BMP7: variants seen among roughly 807,000 people sequenced by gnomAD.
The protein encoded by BMP7 is bone morphogenetic protein 7, also known as osteogenic protein 1.
In BMP7, 12 loss-of-function variants were observed where a neutral mutation model predicts 41.2. The ratio of observed to expected loss-of-function variants is 0.29; its 90% CI spans 0.19 to 0.47. The LOEUF (loss-of-function observed/expected upper bound fraction) is 0.47. Ranked by LOEUF, BMP7 falls within the 20% of genes least tolerant of loss-of-function variation. The probability of loss-of-function intolerance (pLI) is 0.99; values close to 1 mark genes in which losing one functional copy is unlikely to be tolerated. For missense variants in BMP7, 467 were observed against 606.0 expected, an observed-to-expected ratio of 0.77 and a Z score of 2.41; for synonymous variants, 248 against 250.0, an observed-to-expected ratio of 0.99 and a Z score of 0.07.
intron 1 of BMP7, among the ~76,000 whole-genome samples, chr20:57,237,436 A>AC (rs1251109180): frequency 1.9e-4 from 29 of 152,336 alleles, no homozygotes; most frequent in Non-Finnish European, 2.9e-5. Context: ...ACTGGAGCTG[A>AC]CTTATCCCGG....
chr20:57,203,903 T>C (rs1984676932), intron 2 of BMP7, among the ~76,000 whole-genome samples: 1 of 152,222 alleles, frequency 6.6e-6, no homozygotes, highest in South Asian at 2.1e-4. Context: ...TATGGAGCAC[T>C]TACCATATGC....
chr20:57,181,373 A>G (rs573896786), intron 4 of BMP7, among the ~76,000 whole-genome samples: 1 of 152,056 alleles, frequency 6.6e-6, no homozygotes, highest in South Asian at 2.1e-4. Flanking sequence ...GCATCCATCT[A>G]TAGTCCCAGC....
chr20:57,229,337 G>A (rs112836603), intron 1 of BMP7, among the ~76,000 whole-genome samples: 1 of 152,222 alleles, frequency 6.6e-6, no homozygotes, highest in African/African-American at 2.4e-5. Context: ...GGAGTGAATG[G>A]CAGAGTTGGG....
In BMP7 at chr20:57,259,291, G is replaced by A. The variant is rs2066145219; in HGVS notation, c.418+6414C>T. Reference sequence around the variant, plus strand: ...CAGGCAGCCCCAAGCATCAGCGAGGGCTGGAAGCCTTCACTGTGAAGCCCT... The same window carrying A: ...CAGGCAGCCCCAAGCATCAGCGAGGACTGGAAGCCTTCACTGTGAAGCCCT... On this transcript the variant is annotated intron_variant, in intron 1 of 6. Coordinates refer to ENST00000395863, the MANE Select transcript of BMP7 (RefSeq NM_001719.3). This position sits in a 1 kb window ranked among gnomAD's most constrained non-coding sequence, Gnocchi z 4.7. 6.6e-6 allele frequency among the ~76,000 whole-genome samples: 1 copy of A among 152,186 alleles called. No individual in the cohort carries two copies. Among genetic ancestry groups the A allele is most frequent in the Non-Finnish European group, 1.5e-5 (1 of 68,046 alleles).
At chr20:57,190,746 CCCT>C (rs1488600595) in intron 3 of BMP7, among the ~76,000 whole-genome samples, 2 of 152,156 alleles carry the variant, frequency 1.3e-5, no homozygotes, top group African/African-American at 2.4e-5. Flanking sequence ...ACACATACTA[CCCT>C]CCTCCTCCAA....
At chr20:57,202,325 C>T in intron 3 of BMP7, 150 bp downstream of exon 3, 1 of 1,102,788 alleles carries the variant, frequency 9.1e-7, no homozygotes, top group Non-Finnish European at 1.3e-6. Flanking sequence ...GGGGCTGCTT[C>T]TGGTTTGGAT....
chr20:57,247,074 G>T (rs1229313845), intron 1 of BMP7, among the ~76,000 whole-genome samples: 2 of 152,134 alleles, frequency 1.3e-5, no homozygotes, highest in Non-Finnish European at 2.9e-5. Context: ...TATTACAATG[G>T]CTAACATAGC....
intron 1 of BMP7, among the ~76,000 whole-genome samples, chr20:57,234,601 G>A (rs13038779): frequency 0.24 from 36,323 of 152,192 alleles, 5,274 homozygotes; most frequent in South Asian, 0.37. Flanking sequence ...ACACACACAA[G>A]CCCAATTGTA....
intron 2 of BMP7, among the ~76,000 whole-genome samples, chr20:57,219,537 G>C (rs1985136839): frequency 6.6e-6 from 1 of 152,154 alleles, no homozygotes; most frequent in Admixed American, 6.5e-5. Context: ...GTGGGCAGAA[G>C]CCAGGGCTGC....
At chr20:57,180,608 GTTCGACA>G (rs1250601468) in intron 4 of BMP7, among the ~76,000 whole-genome samples, 1 of 152,192 alleles carries the variant, frequency 6.6e-6, no homozygotes, top group Admixed American at 6.5e-5. Context: ...TTGTGTGGGT[GTTCGACA>G]TTGAATCCTA....
At chr20:57,202,361 T>C (rs1984640355) in intron 3 of BMP7, 114 bp downstream of exon 3, 5 of 1,398,554 alleles carry the variant, frequency 3.6e-6, no homozygotes, top group African/African-American at 2.9e-5. Context: ...GGAGTACTGG[T>C]TGGGAGGGGC....
chr20:57,175,898 G>T (rs1435121728), intron 4 of BMP7, among the ~76,000 whole-genome samples: 1 of 152,142 alleles, frequency 6.6e-6, no homozygotes, highest in African/African-American at 2.4e-5. Flanking sequence ...CCACCGCAGG[G>T]CTCTTGCATG....
intron 3 of BMP7, among the ~76,000 whole-genome samples, chr20:57,201,404 G>A (rs1255031035): frequency 6.6e-6 from 1 of 152,192 alleles, no homozygotes; most frequent in Admixed American, 6.5e-5. Flanking sequence ...TCCGAGATAA[G>A]TCAGCTGGAG....
At chr20:57,264,518 T>TGGA (rs1555819016) in intron 1 of BMP7, among the ~76,000 whole-genome samples, 1 of 152,056 alleles carries the variant, frequency 6.6e-6, no homozygotes, top group Non-Finnish European at 1.5e-5. Flanking sequence ...CGCGCACATA[T>TGGA]GGAGGGGGAG....
Position 57,174,810 on chromosome 20 carries a change from C to T in BMP7, c.1035+121G>A, listed in dbSNP as rs1600726680. ...GCCCAAGTCCCCTTCCCTAGCGAGG[C>T]CACTTGATACTGGAGTCTTAACTGG... On this transcript the variant is annotated intron_variant, in intron 5 of 6. Coordinates refer to ENST00000395863, the MANE Select transcript of BMP7 (RefSeq NM_001719.3). This position sits in a 1 kb window ranked among gnomAD's most constrained non-coding sequence, Gnocchi z 4.3. The T allele has an allele frequency of 9.0e-7, 1 of 1,113,406 alleles. No homozygotes were observed. The highest frequency in any genetic ancestry group is 1.3e-6 in the Non-Finnish European group (1 of 761,862). The allele number at this position is 1,113,406 out of a possible 1,614,324, so 69.0% of individuals were successfully genotyped here.
intron 1 of BMP7, among the ~76,000 whole-genome samples, chr20:57,250,596 C>T (rs78702658): frequency 1.4e-5 from 2 of 147,310 alleles, no homozygotes; most frequent in East Asian, 3.9e-4. Context: ...GAGGGAAACA[C>T]AGAAATGCCA....
intron 2 of BMP7, among the ~76,000 whole-genome samples, chr20:57,209,316 A>G (rs1984827281): frequency 6.9e-6 from 1 of 145,170 alleles, no homozygotes; most frequent in African/African-American, 2.5e-5. Flanking sequence ...GTGGTGGTAC[A>G]TGCCTGTAGT....
chr20:57,200,344 C>T (rs1477201799), intron 3 of BMP7, among the ~76,000 whole-genome samples: 3 of 152,146 alleles, frequency 2.0e-5, no homozygotes, highest in Non-Finnish European at 2.9e-5. Context: ...CTCGGGAGCC[C>T]GAGCTCTAAC....
intron 1 of BMP7, among the ~76,000 whole-genome samples, chr20:57,238,895 A>G (rs935230088): frequency 6.6e-6 from 1 of 152,016 alleles, no homozygotes; most frequent in Middle Eastern, 3.4e-3. Context: ...GGAAAGACCT[A>G]CCCCCATGAT....
Sources: gnomAD v4.1 joint callset for allele counts (sites outside exome capture counted in the v4.1 genomes callset) on GRCh38, gnomAD v4.1.1 for gene constraint, Gnocchi (gnomAD v3.1) non-coding constraint, MANE v1.5 for transcripts, NCBI Gene and HGNC (gene_info 2026-07-23, HGNC 2026-07-21) for gene names.